GALNT13: variants seen among roughly 807,000 people sequenced by gnomAD.
The protein encoded by GALNT13 is polypeptide N-acetylgalactosaminyltransferase 13, also known as UDP-GalNAc:polypeptide N-acetylgalactosaminyltransferase 13.
GALNT13 carries 28 observed loss-of-function variants against 64.2 expected under a neutral mutation model. The observed-to-expected ratio is 0.44, with a 90% CI of 0.32 to 0.60. The LOEUF is 0.60. Among genes scored for constraint, GALNT13 ranks in the 20% least tolerant of loss-of-function variants. GALNT13 has a pLI of 0.05. For missense variants in GALNT13, 577 were observed against 669.8 expected (o/e 0.86, Z 1.53); for synonymous variants, 214 against 224.6 (o/e 0.95, Z 0.42).
the GALNT13 span, among the ~76,000 whole-genome samples, chr2:153,776,584 A>C: frequency 1.3e-5 from 2 of 152,266 alleles, no homozygotes; most frequent in East Asian, 3.9e-4. Flanking sequence ...TCAATTTCTC[A>C]CTTGCCCATG....
At chr2:153,462,362 T>C in the GALNT13 span, among the ~76,000 whole-genome samples, 1 of 152,120 alleles carries the variant, frequency 6.6e-6, no homozygotes, top group African/African-American at 2.4e-5. Flanking sequence ...GATGAAGGCA[T>C]TTTTTAAATA....
At chr2:154,267,148 G>A (rs1225493041) in intron 8 of GALNT13, among the ~76,000 whole-genome samples, 2 of 151,808 alleles carry the variant, frequency 1.3e-5, no homozygotes, top group Non-Finnish European at 2.9e-5. Flanking sequence ...TCTATGTGGG[G>A]GGGAAAAACA....
chr2:154,151,629 A>G (rs987704275), intron 4 of GALNT13, among the ~76,000 whole-genome samples: 1 of 152,148 alleles, frequency 6.6e-6, no homozygotes, highest in Non-Finnish European at 1.5e-5. Context: ...TTGGGTGCAT[A>G]TATATTTAGG....
the GALNT13 span, among the ~76,000 whole-genome samples, chr2:153,611,820 C>T: frequency 2.0e-5 from 3 of 150,622 alleles, no homozygotes; most frequent in East Asian, 6.0e-4. Context: ...AAGCCCTGCA[C>T]GTATTAGGTA....
At chr2:153,478,337 C>T in the GALNT13 span, 1 of 1,614,128 alleles carries the variant, frequency 6.2e-7, no homozygotes, top group South Asian at 1.1e-5. Context: ...AGATTGCAGC[C>T]GAGGAAGAAG....
At chr2:154,032,171 A>G (rs1476666716) in intron 3 of GALNT13, among the ~76,000 whole-genome samples, 1 of 151,978 alleles carries the variant, frequency 6.6e-6, no homozygotes, top group Non-Finnish European at 1.5e-5. Flanking sequence ...AGAATGAATG[A>G]AATTAAAAGC....
intron 2 of GALNT13, among the ~76,000 whole-genome samples, chr2:153,942,440 G>A (rs1691403077): frequency 6.6e-6 from 1 of 152,036 alleles, no homozygotes; most frequent in Non-Finnish European, 1.5e-5. Context: ...TAAGACTGAA[G>A]ACAGAACATT....
the GALNT13 span, among the ~76,000 whole-genome samples, chr2:153,760,547 A>C: frequency 6.6e-6 from 1 of 152,070 alleles, no homozygotes; most frequent in Admixed American, 6.5e-5. Context: ...TGAATTTTCC[A>C]AGATTTCTTC....
chr2:154,031,220 A>G (rs1024126907), intron 3 of GALNT13, among the ~76,000 whole-genome samples: 2 of 152,092 alleles, frequency 1.3e-5, no homozygotes. Context: ...TTGACTAAAG[A>G]TATGTAACTT....
the GALNT13 span, among the ~76,000 whole-genome samples, chr2:153,660,657 T>C: frequency 2.0e-5 from 3 of 151,686 alleles, no homozygotes; most frequent in Non-Finnish European, 4.4e-5. Flanking sequence ...TACAAGGCCA[T>C]TTTTCATTCA....
At chr2:154,003,127 A>G (rs183812648) in intron 3 of GALNT13, among the ~76,000 whole-genome samples, 230 of 152,116 alleles carry the variant, frequency 1.5e-3, no homozygotes, top group Middle Eastern at 6.8e-3. Flanking sequence ...TGGCTTCCCA[A>G]CTGATAGGAA....
At chr2:153,187,588 T>C in the GALNT13 span, 2 of 152,180 alleles carry the variant, frequency 1.3e-5, no homozygotes, top group African/African-American at 4.8e-5. Context: ...TGTGGGAGAG[T>C]ATAGTGAAAC....
At chr2:153,868,041 G>A (rs1213046047), upstream of GALNT13, among the ~76,000 whole-genome samples, 1 of 152,162 alleles carries the variant, frequency 6.6e-6, no homozygotes, top group Non-Finnish European at 1.5e-5. Flanking sequence ...GCAAAATGTA[G>A]TATTCATGAA....
At chr2:154,122,575 A>G (rs1682013702) in intron 3 of GALNT13, among the ~76,000 whole-genome samples, 1 of 152,040 alleles carries the variant, frequency 6.6e-6, no homozygotes, top group African/African-American at 2.4e-5. Context: ...TGTTGGAAGT[A>G]TAATTATTGA....
intron 2 of GALNT13, among the ~76,000 whole-genome samples, chr2:153,938,725 C>T (rs766800692): frequency 1.3e-5 from 2 of 152,122 alleles, no homozygotes; most frequent in Non-Finnish European, 2.9e-5. Flanking sequence ...TGGACGCCTT[C>T]TCTCTGTGTC....
At chr2:153,364,215 A>G in the GALNT13 span, among the ~76,000 whole-genome samples, 2 of 152,128 alleles carry the variant, frequency 1.3e-5, no homozygotes, top group Non-Finnish European at 2.9e-5. Context: ...CTCTCAATAA[A>G]CTAGGTTTGA....
chr2:153,311,151 A>G, the GALNT13 span, among the ~76,000 whole-genome samples: 8 of 152,204 alleles, frequency 5.3e-5, no homozygotes, highest in African/African-American at 1.9e-4. Context: ...AGCAAAGGTA[A>G]AGAAAAGGAT....
At chr2:153,335,440 C>G in the GALNT13 span, among the ~76,000 whole-genome samples, 1 of 152,138 alleles carries the variant, frequency 6.6e-6, no homozygotes, top group Non-Finnish European at 1.5e-5. Context: ...GAGGTGATCT[C>G]AGATGGAGAT....
the GALNT13 span, among the ~76,000 whole-genome samples, chr2:153,241,969 T>A: frequency 3.3e-5 from 5 of 152,098 alleles, no homozygotes; most frequent in African/African-American, 1.2e-4. Context: ...TTCTCCATCT[T>A]GTTTTGTGTC....
Sources: gnomAD v4.1 joint callset for allele counts (sites outside exome capture counted in the v4.1 genomes callset) on GRCh38, gnomAD v4.1.1 for gene constraint, MANE v1.5 for transcripts, NCBI Gene and HGNC (gene_info 2026-07-23, HGNC 2026-07-21) for gene names.